FIBCD1: variants seen among roughly 807,000 people sequenced by gnomAD.
FIBCD1 encodes the protein fibrinogen C domain containing 1, also known as fibrinogen C domain-containing protein 1.
Under a neutral mutation model 45.1 loss-of-function variants are expected in FIBCD1, and 47 were observed. That is an observed-to-expected ratio of 1.04 (90% CI 0.82 to 1.33). The LOEUF (loss-of-function observed/expected upper bound fraction) is 1.33. FIBCD1 is among the 40% of genes most tolerant of loss of function. The probability of loss-of-function intolerance (pLI) is 0.00; values close to 1 mark genes in which losing one functional copy is unlikely to be tolerated. For synonymous variants in FIBCD1, 313 were observed against 308.1 expected, an observed-to-expected ratio of 1.02 and a Z score of -0.17; for missense variants, 653 against 682.2, an observed-to-expected ratio of 0.96 and a Z score of 0.48.
Position 130,938,472 on chromosome 9 carries a change from G to A in FIBCD1, c.72+64C>T, listed in dbSNP as rs958564091. ...AGCCCCCGCAATGGGTGCTCGCCCCGCCGGCCCGAGCGGCCACCGCCTGGC... is the reference window on the plus strand; with the variant it reads ...AGCCCCCGCAATGGGTGCTCGCCCCACCGGCCCGAGCGGCCACCGCCTGGC... On this transcript the variant is annotated intron_variant, in intron 1 of 6. Coordinates refer to ENST00000372338, the MANE Select transcript of FIBCD1 (RefSeq NM_032843.5). 3.5e-5 allele frequency: 47 copies of A among 1,362,270 alleles called. No homozygotes were observed. In the East Asian group the frequency reaches 5.5e-4, roughly 16 times the overall value. The allele number at this position is 1,362,270 out of a possible 1,614,324, so 84.4% of individuals were successfully genotyped here. A position where few individuals can be genotyped will look rare whatever the true frequency, so the allele number is the denominator to read the frequency against.
intron 1 of FIBCD1, among the ~76,000 whole-genome samples, chr9:130,934,999 CTG>C (rs1482512262): frequency 1.3e-5 from 2 of 152,150 alleles, no homozygotes; most frequent in Non-Finnish European, 2.9e-5. Context: ...TCGCCCCGAC[CTG>C]TGAGTTTGTT....
At chr9:130,939,899 C>T (rs1166074766), upstream of FIBCD1, among the ~76,000 whole-genome samples, 1 of 152,068 alleles carries the variant, frequency 6.6e-6, no homozygotes, top group South Asian at 2.1e-4. Context: ...CCACACTGCC[C>T]GACGCCGCGC....
At chr9:130,916,754 T>C (rs935411196) in intron 4 of FIBCD1, among the ~76,000 whole-genome samples, 1 of 152,234 alleles carries the variant, frequency 6.6e-6, no homozygotes, top group African/African-American at 2.4e-5. Context: ...AGGCGTCCAC[T>C]TCCCCTTCTT....
At chr9:130,905,965 A>G (rs1554773805) in intron 5 of FIBCD1, among the ~76,000 whole-genome samples, 1 of 151,568 alleles carries the variant, frequency 6.6e-6, no homozygotes, top group African/African-American at 2.4e-5. Flanking sequence ...CCGGCTGCCT[A>G]TCTTGTCAGT....
chr9:130,934,618 C>T (rs1164250373), intron 1 of FIBCD1, among the ~76,000 whole-genome samples: 1 of 152,176 alleles, frequency 6.6e-6, no homozygotes, highest in Non-Finnish European at 1.5e-5. Context: ...AGGGTCTTGC[C>T]CACCCTCCCC....
intron 4 of FIBCD1, 32 bp from the exon 5 acceptor site, chr9:130,911,920 C>T (rs1352933707): frequency 9.7e-6 from 15 of 1,542,584 alleles, no homozygotes; most frequent in South Asian, 6.0e-5. Context: ...GGGGCGTTGG[C>T]ACCGACCATC....
In FIBCD1 at chr9:130,929,967, ACGGCAC is replaced by A; in HGVS notation, c.146_151del (p.Gly49_Ala50del). The A allele has an allele frequency of 6.5e-7, 1 of 1,548,862 alleles. No individual in the cohort carries two copies. Among genetic ancestry groups the A allele is most frequent in the Non-Finnish European group, 8.7e-7 (1 of 1,146,104 alleles). On this transcript the variant is annotated inframe_deletion, in exon 2 of 7. Coordinates refer to ENST00000372338, the MANE Select transcript of FIBCD1 (RefSeq NM_032843.5). ...CGCGTGGGCGTGGTTCAGGAAGAGC[ACGGCAC>A]CGGTGACAGCTACAGCCAGCAGCAC... is the stretch of plus-strand genomic sequence containing the variant.
chr9:130,911,273 C>CT (rs1432816499), intron 5 of FIBCD1, among the ~76,000 whole-genome samples: 2 of 152,126 alleles, frequency 1.3e-5, no homozygotes, highest in Non-Finnish European at 2.9e-5. Flanking sequence ...GGCGCGCTAC[C>CT]TTAAGAGCTA....
intron 4 of FIBCD1, among the ~76,000 whole-genome samples, chr9:130,915,957 GA>G (rs1832152713): frequency 1.0e-5 from 1 of 96,540 alleles, no homozygotes; most frequent in Admixed American, 1.3e-4. Flanking sequence ...TTTTGACACA[GA>G]GTGTTACTCT....
intron 5 of FIBCD1, among the ~76,000 whole-genome samples, chr9:130,908,587 C>T (rs1008083483): frequency 1.4e-4 from 21 of 152,310 alleles, no homozygotes; most frequent in African/African-American, 3.4e-4. Context: ...CCCCAACACA[C>T]GCAGGCTTGT....
intron 2 of FIBCD1, among the ~76,000 whole-genome samples, chr9:130,928,964 T>C (rs1271512729): frequency 6.6e-6 from 1 of 151,688 alleles, no homozygotes; most frequent in Non-Finnish European, 1.5e-5. Context: ...TGGAAAGCCT[T>C]CACCCAGACC....
At chr9:130,904,885 C>T (rs747732466) in intron 6 of FIBCD1, among the ~76,000 whole-genome samples, 15 of 152,332 alleles carry the variant, frequency 9.8e-5, no homozygotes, top group African/African-American at 2.9e-4. Flanking sequence ...TATGAAAAAA[C>T]GAACAGAAGA....
chr9:130,929,148 G>A (rs1832404585), intron 2 of FIBCD1, among the ~76,000 whole-genome samples: 1 of 152,106 alleles, frequency 6.6e-6, no homozygotes, highest in South Asian at 2.1e-4. Flanking sequence ...ATGGGGTGCG[G>A]CTCTGAGGGG....
At chr9:130,934,240 C>T (rs1315076245) in intron 1 of FIBCD1, among the ~76,000 whole-genome samples, 2 of 152,180 alleles carry the variant, frequency 1.3e-5, no homozygotes, top group Non-Finnish European at 2.9e-5. Context: ...AAGGGCTGAA[C>T]TCTGAGCCCT....
chr9:130,935,844 G>A (rs547562095), intron 1 of FIBCD1, among the ~76,000 whole-genome samples: 6 of 152,188 alleles, frequency 3.9e-5, no homozygotes, highest in Non-Finnish European at 8.8e-5. Context: ...GGGTGGCTGT[G>A]ACTAAGAAAT....
chr9:130,904,937 T>A (rs929606961), intron 6 of FIBCD1, among the ~76,000 whole-genome samples: 2 of 152,200 alleles, frequency 1.3e-5, no homozygotes, highest in Non-Finnish European at 2.9e-5. Context: ...CTGAATCAAC[T>A]GATGAAGACA....
chr9:130,931,694 T>C (rs1832449748), intron 1 of FIBCD1, among the ~76,000 whole-genome samples: 1 of 152,116 alleles, frequency 6.6e-6, no homozygotes, highest in Non-Finnish European at 1.5e-5. Context: ...CCCTGAGCAT[T>C]ACACACAAGG....
chr9:130,940,321 C>A (rs1368210183), upstream of FIBCD1, among the ~76,000 whole-genome samples: 3 of 152,388 alleles, frequency 2.0e-5, no homozygotes, highest in East Asian at 1.9e-4. Flanking sequence ...TTGTCCCCAG[C>A]CGCCTTTTCC....
chr9:130,930,194 G>A, intron 1 of FIBCD1, 148 bp from the exon 2 acceptor site: 1 of 1,023,916 alleles, frequency 9.8e-7, no homozygotes, highest in Non-Finnish European at 1.4e-6. Context: ...GACAGGCACT[G>A]AGAGACAGTC....
Sources: allele counts gnomAD v4.1 joint callset (sites outside exome capture counted in the v4.1 genomes callset), GRCh38; gene constraint gnomAD v4.1.1; transcripts MANE v1.5; gene names NCBI Gene and HGNC (gene_info 2026-07-23, HGNC 2026-07-21).